Variants in CELA2B observed in about 807,000 individuals in gnomAD.
CELA2B encodes the protein chymotrypsin like elastase 2B.
CELA2B carries 27 observed loss-of-function variants against 36.5 expected under a neutral mutation model. The observed-to-expected ratio is 0.74, with a 90% CI of 0.55 to 1.02. CELA2B has a LOEUF of 1.02. Among genes scored for constraint, CELA2B ranks in the 50% least tolerant of loss-of-function variants. The probability of loss-of-function intolerance (pLI) is 0.00; values close to 1 mark genes in which losing one functional copy is unlikely to be tolerated. For synonymous variants in CELA2B, 143 were observed against 148.5 expected, an observed-to-expected ratio of 0.96 and a Z score of 0.27; for missense variants, 340 against 347.8, an observed-to-expected ratio of 0.98 and a Z score of 0.18.
At chr1:15,477,382 A>ACC (rs1708686005) in intron 2 of CELA2B, among the ~76,000 whole-genome samples, 3 of 152,264 alleles carry the variant, frequency 2.0e-5, no homozygotes, top group African/African-American at 7.2e-5. Flanking sequence ...AGAAATGTGT[A>ACC]AAGTTTACAT....
intron 7 of CELA2B, among the ~76,000 whole-genome samples, chr1:15,488,174 C>T (rs1322274371): frequency 1.3e-5 from 2 of 152,118 alleles, no homozygotes; most frequent in East Asian, 3.8e-4. Flanking sequence ...ATTGCTTGAG[C>T]CCAGGAGTTC....
At chr1:15,487,538 T>C in intron 7 of CELA2B, 101 bp downstream of exon 7, 1 of 1,478,990 alleles carries the variant, frequency 6.8e-7, no homozygotes, top group South Asian at 1.2e-5. Flanking sequence ...TCCTTCCTCT[T>C]GAGAGCTAGA....
chr1:15,479,037 T>C (rs1398699365), intron 2 of CELA2B, among the ~76,000 whole-genome samples: 1 of 152,198 alleles, frequency 6.6e-6, no homozygotes, highest in Non-Finnish European at 1.5e-5. Context: ...CTTGTTCTTT[T>C]AGCTACACTT....
At chr1:15,480,678 C>CA (rs1409524457) in intron 2 of CELA2B, among the ~76,000 whole-genome samples, 1 of 152,162 alleles carries the variant, frequency 6.6e-6, no homozygotes, top group East Asian at 1.9e-4. Context: ...TAACCACCCT[C>CA]ATGATTCAAT....
At chr1:15,476,638 A>G (rs1408588810) in intron 2 of CELA2B, 93 bp downstream of exon 2, 1 of 1,234,158 alleles carries the variant, frequency 8.1e-7, no homozygotes, top group Non-Finnish European at 1.2e-6. Flanking sequence ...TTGTGCTGGC[A>G]AAGTTAGGAT....
intron 2 of CELA2B, among the ~76,000 whole-genome samples, chr1:15,477,470 A>C (rs1708686731): frequency 6.6e-6 from 1 of 152,228 alleles, no homozygotes; most frequent in African/African-American, 2.4e-5. Context: ...GTTATAAAGA[A>C]ATTATTTTAA....
At chr1:15,491,005 C>T (rs1708880234) in intron 7 of CELA2B, 2 of 432,980 alleles carry the variant, frequency 4.6e-6, no homozygotes, top group Non-Finnish European at 4.2e-6. Flanking sequence ...GCCATCCGCA[C>T]ATTTGGCATA....
chr1:15,488,870 G>T (rs1376425690), intron 7 of CELA2B, among the ~76,000 whole-genome samples: 3 of 152,166 alleles, frequency 2.0e-5, no homozygotes, highest in Non-Finnish European at 4.4e-5. Context: ...CCAGCTCCTT[G>T]TTCATTTGTC....
chr1:15,486,682 G>C (rs1254274247), intron 6 of CELA2B, among the ~76,000 whole-genome samples: 2 of 152,200 alleles, frequency 1.3e-5, no homozygotes, highest in Admixed American at 6.5e-5. Context: ...GATGACTTCT[G>C]GTTTTTCTGT....
chr1:15,484,711 G>A (rs544634765), intron 5 of CELA2B, among the ~76,000 whole-genome samples: 3 of 152,106 alleles, frequency 2.0e-5, no homozygotes, highest in Admixed American at 1.3e-4. Context: ...TTGGCTTTTC[G>A]GCCCAGCTCT....
At position 15,476,561 on chromosome 1, in the gene CELA2B, T is replaced by G; in HGVS notation, c.129+16T>G. ...GCCCTGGCAGGTGAGTTGACCACAC[T>G]GTACTTCTCCCCGTCCCTGCCCCAC... On this transcript the variant is annotated intron_variant, in intron 2 of 7. Coordinates refer to ENST00000375910, the MANE Select transcript of CELA2B (RefSeq NM_015849.3). 1.9e-6 allele frequency: 3 copies of G among 1,611,712 alleles called. No individual in the cohort carries two copies. In the South Asian group the frequency reaches 3.3e-5, roughly 18 times the overall value.
intron 2 of CELA2B, among the ~76,000 whole-genome samples, chr1:15,480,600 G>T (rs1452596397): frequency 6.6e-6 from 1 of 152,016 alleles, no homozygotes; most frequent in Non-Finnish European, 1.5e-5. Context: ...AGCAAAAGGG[G>T]GAAAGGCCCA....
intron 7 of CELA2B, among the ~76,000 whole-genome samples, chr1:15,489,550 C>T (rs1195776841): frequency 6.6e-6 from 1 of 152,170 alleles, no homozygotes. Flanking sequence ...GAGTCACGTA[C>T]CACTAGAGCC....
chr1:15,481,670 C>T (rs1342550588), intron 3 of CELA2B: 1 of 472,128 alleles, frequency 2.1e-6, no homozygotes, highest in Admixed American at 2.3e-5. Flanking sequence ...CCACAAGGTT[C>T]TGCAACGTTG....
intron 7 of CELA2B, 114 bp from the exon 8 acceptor site, chr1:15,491,181 G>C: frequency 8.4e-7 from 1 of 1,194,322 alleles, no homozygotes; most frequent in Admixed American, 1.7e-5. Context: ...TGTAGTGTGG[G>C]CTGCCTGTGA....
Position 15,490,963 on chromosome 1 carries a change from T to G in CELA2B, c.793-332T>G, listed in dbSNP as rs547978270. On this transcript the variant is annotated intron_variant, in intron 7 of 7. Transcript: ENST00000375910. ...GCATAACTGCCTTGCAAACAGCAGT[T>G]TTGATGAGAAACAAATGAAATCTAA... The G allele has an allele frequency of 1.4e-4, 50 of 345,478 alleles. 1 individual carries two copies. In the South Asian group the frequency reaches 1.8e-3, roughly 12 times the overall value. 21.4% of individuals were successfully genotyped at this position (345,478 alleles called of 1,614,324 possible).
rs559330194 is a variant in CELA2B at position 15,476,246 on chromosome 1, C to T, written c.40+81C>T. ...GGGATCTTCCTGTCCTCCCCTCTCGCCCCCACCCAACCCCTACTGCATTCA... is the reference window on the plus strand; with the variant it reads ...GGGATCTTCCTGTCCTCCCCTCTCGTCCCCACCCAACCCCTACTGCATTCA... On this transcript the variant is annotated intron_variant, in intron 1 of 7. Coordinates refer to ENST00000375910, the MANE Select transcript of CELA2B (RefSeq NM_015849.3). 3.5e-5 allele frequency: 55 copies of T among 1,586,818 alleles called. No homozygotes were observed. The African/African-American group carries it at 7.3e-4, about 21-fold the overall frequency.
chr1:15,485,422 A>G (rs2103314511), intron 5 of CELA2B, among the ~76,000 whole-genome samples: 1 of 152,314 alleles, frequency 6.6e-6, no homozygotes, highest in Non-Finnish European at 1.5e-5. Context: ...CTCAGCAAAA[A>G]AAGGGAAATT....
At chr1:15,477,848 G>A (rs141419090) in intron 2 of CELA2B, among the ~76,000 whole-genome samples, 48 of 152,238 alleles carry the variant, frequency 3.2e-4, no homozygotes, top group African/African-American at 6.3e-4. Context: ...GATATAAACT[G>A]CTTTAGGAGC....
Sources: gnomAD v4.1 joint callset for allele counts (sites outside exome capture counted in the v4.1 genomes callset) on GRCh38, gnomAD v4.1.1 for gene constraint, MANE v1.5 for transcripts, NCBI Gene and HGNC (gene_info 2026-07-23, HGNC 2026-07-21) for gene names.